LHFPL3: variants seen among roughly 807,000 people sequenced by gnomAD.
The protein encoded by LHFPL3 is LHFPL tetraspan subfamily member 3, also known as LHFPL tetraspan subfamily member 3 protein.
A neutral mutation model predicts 19.3 loss-of-function variants in LHFPL3; 5 were observed. That is an observed-to-expected ratio of 0.26 (90% confidence interval 0.14 to 0.54). The LOEUF is 0.54. Ranked by LOEUF, LHFPL3 falls within the 20% of genes least tolerant of loss-of-function variation. LHFPL3 has a pLI of 0.94. For missense variants in LHFPL3, 249 were observed against 307.4 expected (o/e 0.81, Z 1.42); for synonymous variants, 133 against 126.2 (o/e 1.05, Z -0.36).
chr7:104,384,995 A>G (rs1195573378), intron 1 of LHFPL3, among the ~76,000 whole-genome samples: 1 of 152,046 alleles, frequency 6.6e-6, no homozygotes, highest in Non-Finnish European at 1.5e-5. Flanking sequence ...AAGGAATCCT[A>G]TGGATTCCCC....
intron 1 of LHFPL3, among the ~76,000 whole-genome samples, chr7:104,385,400 C>A (rs55738237): frequency 2.6e-5 from 4 of 151,484 alleles, no homozygotes; most frequent in Admixed American, 6.6e-5. Context: ...TGATTGATAT[C>A]TGAGCAGAGT....
At chr7:104,585,802 T>C (rs546197504) in intron 1 of LHFPL3, among the ~76,000 whole-genome samples, 1 of 152,084 alleles carries the variant, frequency 6.6e-6, no homozygotes, top group Non-Finnish European at 1.5e-5. Flanking sequence ...TTAACAAAAT[T>C]ACTTAAAATC....
At chr7:104,677,851 A>G (rs922745338) in intron 1 of LHFPL3, among the ~76,000 whole-genome samples, 2 of 152,238 alleles carry the variant, frequency 1.3e-5, no homozygotes, top group South Asian at 4.1e-4. Context: ...GAAATTTAAT[A>G]AACACTGTTC....
intron 1 of LHFPL3, among the ~76,000 whole-genome samples, chr7:104,718,945 T>A (rs1793439540): frequency 6.6e-6 from 1 of 152,122 alleles, no homozygotes; most frequent in African/African-American, 2.4e-5. Flanking sequence ...GTGATCCTGT[T>A]CATATGGAGA....
chr7:104,783,106 A>C (rs183752063), intron 2 of LHFPL3, among the ~76,000 whole-genome samples: 1 of 152,390 alleles, frequency 6.6e-6, no homozygotes, highest in Admixed American at 6.5e-5. Context: ...CCAACTTCAG[A>C]CTAGGGAATC....
intron 1 of LHFPL3, among the ~76,000 whole-genome samples, chr7:104,606,588 G>A (rs1791107548): frequency 6.6e-6 from 1 of 152,166 alleles, no homozygotes; most frequent in African/African-American, 2.4e-5. Flanking sequence ...GATCCTATAT[G>A]AGAAGGGACT....
chr7:104,638,074 G>A (rs1037093331), intron 1 of LHFPL3, among the ~76,000 whole-genome samples: 8 of 152,068 alleles, frequency 5.3e-5, no homozygotes, highest in East Asian at 1.9e-4. Context: ...TTTGAGTAGC[G>A]TTTTGTAATT....
intron 1 of LHFPL3, among the ~76,000 whole-genome samples, chr7:104,710,925 T>C (rs1305149175): frequency 1.3e-5 from 2 of 152,188 alleles, no homozygotes; most frequent in Non-Finnish European, 2.9e-5. Context: ...AATACCTAAA[T>C]GATGACTGGC....
intron 1 of LHFPL3, among the ~76,000 whole-genome samples, chr7:104,560,047 A>G (rs2115942941): frequency 6.7e-6 from 1 of 148,220 alleles, no homozygotes; most frequent in South Asian, 2.1e-4. Flanking sequence ...ATCATGGTGG[A>G]TAAGCTTTTT....
chr7:104,578,275 G>T (rs376231944), intron 1 of LHFPL3, among the ~76,000 whole-genome samples: 17 of 152,196 alleles, frequency 1.1e-4, no homozygotes, highest in African/African-American at 4.1e-4. Context: ...GCTTAGCTGC[G>T]CTGTGATGGG....
chr7:104,613,286 G>A (rs1791244480), intron 1 of LHFPL3, among the ~76,000 whole-genome samples: 1 of 152,092 alleles, frequency 6.6e-6, no homozygotes, highest in South Asian at 2.1e-4. Context: ...TCAATGCCCA[G>A]GTGGAAACTC....
intron 1 of LHFPL3, among the ~76,000 whole-genome samples, chr7:104,386,257 A>C (rs962414335): frequency 6.6e-6 from 1 of 152,232 alleles, no homozygotes; most frequent in Non-Finnish European, 1.5e-5. Context: ...CATATTTCAC[A>C]GTTCCCTAAA....
intron 1 of LHFPL3, among the ~76,000 whole-genome samples, chr7:104,711,770 C>T (rs927608783): frequency 1.3e-5 from 2 of 152,090 alleles, no homozygotes; most frequent in Non-Finnish European, 2.9e-5. Flanking sequence ...TGAGAAAACC[C>T]AGAAGAGATT....
intron 1 of LHFPL3, among the ~76,000 whole-genome samples, chr7:104,572,197 G>A (rs1165797772): frequency 6.6e-6 from 1 of 152,078 alleles, no homozygotes; most frequent in Non-Finnish European, 1.5e-5. Flanking sequence ...AAGTTATTGC[G>A]ATTTTTGCCA....
At chr7:104,855,185 G>A (rs975050669) in intron 2 of LHFPL3, among the ~76,000 whole-genome samples, 4 of 152,206 alleles carry the variant, frequency 2.6e-5, no homozygotes, top group African/African-American at 7.2e-5. Context: ...AGGGGAGAGC[G>A]ATACCGTGAG....
intron 2 of LHFPL3, among the ~76,000 whole-genome samples, chr7:104,741,397 T>C (rs2116317463): frequency 6.7e-6 from 1 of 149,890 alleles, no homozygotes; most frequent in Middle Eastern, 3.4e-3. Flanking sequence ...AAAGAAAACC[T>C]TTATAAGAGA....
chr7:104,399,216 G>A lies in LHFPL3; in HGVS notation c.445+69992G>A, dbSNP rs183805354. Among the ~76,000 whole-genome samples the A allele has an allele frequency of 2.0e-5, 3 of 152,192 alleles. No individual in the cohort carries two copies. The highest frequency in any genetic ancestry group is 2.1e-4 in the South Asian group (1 of 4,814). On this transcript the variant is annotated intron_variant, in intron 1 of 2. Transcript: ENST00000424859. This position sits in a 1 kb window ranked among gnomAD's most constrained non-coding sequence, Gnocchi z 4.4. ...ATGTCCTCTTACTTCCCTTGATATC[G>A]TAGGTTTCCAGCTGGACAAGGCCCT...
intron 1 of LHFPL3, among the ~76,000 whole-genome samples, chr7:104,697,457 G>C (rs1793017932): frequency 6.6e-6 from 1 of 152,174 alleles, no homozygotes; most frequent in South Asian, 2.1e-4. Flanking sequence ...TGCTGTATGA[G>C]TGTATTAATA....
intron 1 of LHFPL3, among the ~76,000 whole-genome samples, chr7:104,623,709 C>G (rs1410226893): frequency 6.6e-6 from 1 of 152,202 alleles, no homozygotes; most frequent in East Asian, 1.9e-4. Context: ...GTGAGAAAGT[C>G]CAAACAGCCA....
Sources: gnomAD v4.1 joint callset for allele counts (sites outside exome capture counted in the v4.1 genomes callset) on GRCh38, gnomAD v4.1.1 for gene constraint, Gnocchi (gnomAD v3.1) non-coding constraint, MANE v1.5 for transcripts, NCBI Gene and HGNC (gene_info 2026-07-23, HGNC 2026-07-21) for gene names.